The following DLGAP1 variants were observed in gnomAD, a reference collection of about 807,000 sequenced individuals.
The protein encoded by DLGAP1 is disks large-associated protein 1.
A neutral mutation model predicts 90.8 loss-of-function variants in DLGAP1; 11 were observed. The ratio of observed to expected loss-of-function variants is 0.12; its 90% CI spans 0.08 to 0.20. The LOEUF is 0.20. DLGAP1 is among the 10% of genes least tolerant of loss of function. The pLI, the probability that DLGAP1 is intolerant of heterozygous loss-of-function variation, is 1.00. For synonymous variants in DLGAP1, 558 were observed against 540.7 expected (o/e 1.03, Z -0.44); for missense variants, 1,050 against 1,333.8 (o/e 0.79, Z 3.31).
At chr18:4,314,621 C>T (rs1263665859) in intron 1 of DLGAP1, among the ~76,000 whole-genome samples, 1 of 152,250 alleles carries the variant, frequency 6.6e-6, no homozygotes, top group South Asian at 2.1e-4. Context: ...CGGTAAGAAC[C>T]AGGCTTGTTG....
chr18:4,305,464 G>A lies in DLGAP1; in HGVS notation c.-267+149542C>T, dbSNP rs942144495. Among the ~76,000 whole-genome samples the A allele has an allele frequency of 5.3e-5, 7 of 132,058 alleles. No individual in the cohort carries two copies. The South Asian group carries it at 6.8e-4, about 13-fold the overall frequency. 86.6% of individuals were successfully genotyped at this position (132,058 alleles called of 152,430 possible). The stretch of plus-strand genomic sequence containing the variant: ...CAGGAGAATTGCTTGAACCTGGGAG[G>A]TGGAGGCTGCAGTGAGCCGAGATCG... On this transcript the variant is annotated intron_variant, in intron 1 of 12. Coordinates refer to ENST00000315677, the MANE Select transcript of DLGAP1 (RefSeq NM_004746.4).
intron 1 of DLGAP1, among the ~76,000 whole-genome samples, chr18:4,325,295 C>T (rs1055135851): frequency 1.3e-5 from 2 of 152,068 alleles, no homozygotes; most frequent in Non-Finnish European, 2.9e-5. Flanking sequence ...AGTACTACAC[C>T]TAACCATGGA....
intron 9 of DLGAP1, among the ~76,000 whole-genome samples, chr18:3,557,592 G>A (rs555683038): frequency 5.3e-5 from 8 of 152,230 alleles, no homozygotes; most frequent in Admixed American, 5.2e-4. Context: ...TGACTCATTT[G>A]TAATTTAAAG....
At chr18:4,013,891 T>C (rs1466954057) in intron 2 of DLGAP1, 7 of 152,192 alleles carry the variant, frequency 4.6e-5, no homozygotes, top group Admixed American at 2.0e-4. Context: ...CATATTTCTA[T>C]AGTCCTAAGC....
intron 4 of DLGAP1, among the ~76,000 whole-genome samples, chr18:3,819,368 C>T (rs964316695): frequency 6.6e-6 from 1 of 152,186 alleles, no homozygotes; most frequent in Non-Finnish European, 1.5e-5. Context: ...TTCTGACACT[C>T]CATAGAATAT....
At chr18:4,258,725 G>A (rs1016201678) in intron 1 of DLGAP1, among the ~76,000 whole-genome samples, 21 of 151,814 alleles carry the variant, frequency 1.4e-4, no homozygotes, top group Middle Eastern at 3.4e-3. Context: ...CGTTCATTAC[G>A]GCAATACTGC....
chr18:4,221,141 T>C (rs1009163501), intron 1 of DLGAP1, among the ~76,000 whole-genome samples: 3 of 152,094 alleles, frequency 2.0e-5, no homozygotes, highest in Non-Finnish European at 4.4e-5. Flanking sequence ...CGTATTCTGG[T>C]TACTGTGCAA....
intron 7 of DLGAP1, among the ~76,000 whole-genome samples, chr18:3,649,208 T>C (rs541138531): frequency 6.6e-6 from 1 of 152,346 alleles, no homozygotes; most frequent in East Asian, 1.9e-4. Flanking sequence ...CACTTGTTTG[T>C]TGCCTGAAAA....
rs563205366 is a variant in DLGAP1, at chr18:3,916,076, A to G, written c.-72-35936T>C. 2.6e-5 allele frequency among the ~76,000 whole-genome samples: 4 copies of G among 152,312 alleles called. No homozygotes were observed. In the South Asian group the frequency reaches 8.3e-4, roughly 32 times the overall value. ...TCAAGTAAACAAATTAATATCCCCAAGGACATCCATAAGGCTTCCCTCTCA... is the reference window on the plus strand; with the variant it reads ...TCAAGTAAACAAATTAATATCCCCAGGGACATCCATAAGGCTTCCCTCTCA... On this transcript the variant is annotated intron_variant, in intron 3 of 12. Transcript: ENST00000315677.
At chr18:4,243,833 A>G (rs2078596270) in intron 1 of DLGAP1, among the ~76,000 whole-genome samples, 1 of 152,180 alleles carries the variant, frequency 6.6e-6, no homozygotes, top group African/African-American at 2.4e-5. Flanking sequence ...TTTTTACCCT[A>G]CACTGTGGCT....
At chr18:4,153,135 A>G (rs2076701485) in intron 1 of DLGAP1, among the ~76,000 whole-genome samples, 1 of 152,250 alleles carries the variant, frequency 6.6e-6, no homozygotes, top group Non-Finnish European at 1.5e-5. Context: ...TAGGTAAACA[A>G]ATATATTAAT....
At position 3,505,367 on chromosome 18, in the gene DLGAP1, G is replaced by A. The variant is rs543602344; in HGVS notation, c.2572-2722C>T. On this transcript the variant is annotated intron_variant, in intron 11 of 12. Transcript: ENST00000315677. ...AAAATGTCACTATCGGGCCGGGCGA[G>A]TTGGCTCATGCCTATAATCCCAGCA... Among the ~76,000 whole-genome samples the A allele has an allele frequency of 6.6e-5, 10 of 152,280 alleles. No homozygotes were observed. The South Asian group carries it at 1.0e-3, about 16-fold the overall frequency.
chr18:3,567,858 G>A (rs2054526534), intron 8 of DLGAP1, among the ~76,000 whole-genome samples: 1 of 152,026 alleles, frequency 6.6e-6, no homozygotes, highest in African/African-American at 2.4e-5. Context: ...GTATCTTACT[G>A]TAAATACTAT....
At chr18:4,168,216 T>C (rs1008580923) in intron 1 of DLGAP1, among the ~76,000 whole-genome samples, 2 of 152,140 alleles carry the variant, frequency 1.3e-5, no homozygotes, top group Non-Finnish European at 2.9e-5. Context: ...ATCAAGACAG[T>C]ACGGTATTGG....
chr18:4,105,368 G>T (rs560278444), intron 2 of DLGAP1, among the ~76,000 whole-genome samples: 2 of 152,184 alleles, frequency 1.3e-5, no homozygotes, highest in Non-Finnish European at 2.9e-5. Context: ...TTTCTTTGGG[G>T]AAAGGAAAAC....
chr18:3,953,701 C>A (rs932859544), intron 3 of DLGAP1, among the ~76,000 whole-genome samples: 1 of 152,088 alleles, frequency 6.6e-6, no homozygotes, highest in Non-Finnish European at 1.5e-5. Context: ...GTTATATACC[C>A]AGTAGTTTTT....
intron 7 of DLGAP1, among the ~76,000 whole-genome samples, chr18:3,661,739 G>A (rs2146606486): frequency 6.6e-6 from 1 of 151,766 alleles, no homozygotes; most frequent in South Asian, 2.1e-4. Context: ...ACCATGCCTG[G>A]ATGATTTTTT....
chr18:4,098,398 T>C (rs2075719836), intron 2 of DLGAP1, among the ~76,000 whole-genome samples: 1 of 152,050 alleles, frequency 6.6e-6, no homozygotes, highest in African/African-American at 2.4e-5. Flanking sequence ...ATAAAAAAAG[T>C]AAAATAAGGC....
intron 3 of DLGAP1, among the ~76,000 whole-genome samples, chr18:3,889,002 T>C (rs948910065): frequency 2.0e-5 from 3 of 152,122 alleles, no homozygotes; most frequent in African/African-American, 4.8e-5. Flanking sequence ...TAACCAGCCA[T>C]GGACAGTGCC....
Sources: allele counts gnomAD v4.1 joint callset (sites outside exome capture counted in the v4.1 genomes callset), GRCh38; gene constraint gnomAD v4.1.1; transcripts MANE v1.5; gene names NCBI Gene and HGNC (gene_info 2026-07-23, HGNC 2026-07-21).